PTPRN2: variants seen among roughly 807,000 people sequenced by gnomAD.
The protein encoded by PTPRN2 is protein tyrosine phosphatase receptor type N2, also known as receptor-type tyrosine-protein phosphatase N2.
A neutral mutation model predicts 118.8 loss-of-function variants in PTPRN2; 74 were observed. That is an observed-to-expected ratio of 0.62 (90% CI 0.52 to 0.76). The LOEUF is 0.76. Among genes scored for constraint, PTPRN2 ranks in the 30% least tolerant of loss-of-function variants. The pLI is 0.00. For synonymous variants in PTPRN2, 641 were observed against 608.0 expected (o/e 1.05, Z -0.80); for missense variants, 1,481 against 1,394.4 (o/e 1.06, Z -0.99).
At position 157,682,695 on chromosome 7, in the gene PTPRN2, T is replaced by C. The variant is rs1438338991; in HGVS notation, c.2001+30A>G. On this transcript the variant is annotated intron_variant, in intron 13 of 22. Transcript: ENST00000389418. The stretch of plus-strand genomic sequence containing the variant: ...CTGCCTGTTCAACAGATAAATCCGA[T>C]ATACCACTTTTTAAAAAGTCTCCTC... 1.9e-6 allele frequency: 3 copies of C among 1,579,382 alleles called. No homozygotes were observed. In the African/African-American group the frequency reaches 4.0e-5, roughly 21 times the overall value.
At chr7:157,805,893 G>C (rs375031426) in intron 12 of PTPRN2, among the ~76,000 whole-genome samples, 23 of 152,326 alleles carry the variant, frequency 1.5e-4, no homozygotes, top group African/African-American at 5.1e-4. Context: ...GCCCTGTCCT[G>C]TTCTGCGTTA....
intron 2 of PTPRN2, among the ~76,000 whole-genome samples, chr7:158,383,198 T>C (rs1261679751): frequency 6.6e-6 from 1 of 152,200 alleles, no homozygotes; most frequent in Admixed American, 6.5e-5. Flanking sequence ...GCAGAACTCT[T>C]ATTCAACAGA....
At chr7:158,260,942 C>A (rs116592497) in intron 3 of PTPRN2, among the ~76,000 whole-genome samples, 2 of 152,126 alleles carry the variant, frequency 1.3e-5, no homozygotes, top group Non-Finnish European at 2.9e-5. Context: ...AGAGAGGAGG[C>A]AGACGGGCAG....
intron 9 of PTPRN2, among the ~76,000 whole-genome samples, chr7:158,132,394 C>T (rs1353749203): frequency 6.6e-6 from 1 of 151,478 alleles, no homozygotes; most frequent in East Asian, 2.0e-4. Flanking sequence ...TGCAAATAAG[C>T]ACAAACCAAT....
chr7:157,952,010 G>A (rs758318170), intron 11 of PTPRN2, among the ~76,000 whole-genome samples: 6 of 152,202 alleles, frequency 3.9e-5, no homozygotes, highest in Non-Finnish European at 8.8e-5. Context: ...CCCGCACTGC[G>A]TTCGCTGCCC....
At chr7:158,447,191 C>T (rs954021223) in intron 2 of PTPRN2, among the ~76,000 whole-genome samples, 2 of 152,138 alleles carry the variant, frequency 1.3e-5, no homozygotes, top group Non-Finnish European at 2.9e-5. Flanking sequence ...CCTCTCTGGG[C>T]CTGGGCAGCC....
At chr7:158,309,970 C>T (rs570465385) in intron 3 of PTPRN2, among the ~76,000 whole-genome samples, 1 of 152,286 alleles carries the variant, frequency 6.6e-6, no homozygotes, top group East Asian at 1.9e-4. Context: ...CTTGCCCCGT[C>T]TGCCACATGA....
intron 2 of PTPRN2, among the ~76,000 whole-genome samples, chr7:158,407,804 C>T (rs1003013227): frequency 6.6e-6 from 1 of 152,200 alleles, no homozygotes; most frequent in Non-Finnish European, 1.5e-5. Context: ...GCCACGAAGC[C>T]GATGTGGAAC....
chr7:157,713,228 C>G (rs79142764), intron 12 of PTPRN2, among the ~76,000 whole-genome samples: 3 of 151,968 alleles, frequency 2.0e-5, no homozygotes, highest in South Asian at 4.2e-4. Flanking sequence ...CCCTCCTCCT[C>G]CTAGCACTGC....
chr7:157,730,517 G>A (rs1337038159), intron 12 of PTPRN2, among the ~76,000 whole-genome samples: 1 of 152,180 alleles, frequency 6.6e-6, no homozygotes, highest in Non-Finnish European at 1.5e-5. Flanking sequence ...TTGCCCTCCT[G>A]TATGGCACAA....
In PTPRN2 at chr7:158,567,966, CTT is replaced by C. The variant is rs1409675916; in HGVS notation, c.112+19590_112+19591del. 2.6e-5 allele frequency among the ~76,000 whole-genome samples: 4 copies of C among 152,184 alleles called. No homozygotes were observed. The East Asian group carries it at 5.8e-4, about 22-fold the overall frequency. On this transcript the variant is annotated intron_variant, in intron 1 of 22. Coordinates refer to ENST00000389418, the MANE Select transcript of PTPRN2 (RefSeq NM_002847.5). Reference sequence around the variant, plus strand: ...TCTTATCTTTCCTTTATTAAAAACTCTTTTGCCCAGGTGCAGTGGCTCACATC... The same window carrying C: ...TCTTATCTTTCCTTTATTAAAAACTCTTGCCCAGGTGCAGTGGCTCACATC...
intron 11 of PTPRN2, among the ~76,000 whole-genome samples, chr7:157,916,769 G>A (rs113857096): frequency 0.011 from 1,037 of 95,604 alleles, 9 homozygotes; most frequent in African/African-American, 0.036. Flanking sequence ...CGGCCACTCC[G>A]GGACACGTCC....
intron 16 of PTPRN2, among the ~76,000 whole-genome samples, chr7:157,602,788 C>T (rs183333033): frequency 6.3e-4 from 96 of 152,344 alleles, no homozygotes; most frequent in Non-Finnish European, 8.5e-4. Context: ...CATCAGTGGC[C>T]GTGGCCTGCA....
chr7:158,403,973 C>T (rs1376399090), intron 2 of PTPRN2, among the ~76,000 whole-genome samples: 1 of 152,214 alleles, frequency 6.6e-6, no homozygotes, highest in Non-Finnish European at 1.5e-5. Flanking sequence ...TATAATTACT[C>T]ATGTCCTTAC....
rs1158378268 is a variant in PTPRN2 at position 157,632,844 on chromosome 7, A to T, written c.2197-11335T>A. 6.6e-6 allele frequency among the ~76,000 whole-genome samples: 1 copy of T among 152,260 alleles called. No homozygotes were observed. The highest frequency in any genetic ancestry group is 1.5e-5 in the Non-Finnish European group (1 of 68,042). On this transcript the variant is annotated intron_variant, in intron 14 of 22. Coordinates refer to ENST00000389418, the MANE Select transcript of PTPRN2 (RefSeq NM_002847.5). This position sits in a 1 kb window ranked among gnomAD's most constrained non-coding sequence, Gnocchi z 4.3. Reference sequence around the variant, plus strand: ...AATGGAAAATAATTCAGAGAATTATACTATGTTTTCCATAAATGTACAGCT... The same window carrying T: ...AATGGAAAATAATTCAGAGAATTATTCTATGTTTTCCATAAATGTACAGCT...
intron 13 of PTPRN2, among the ~76,000 whole-genome samples, chr7:157,675,524 AT>A (rs1796624728): frequency 2.2e-5 from 2 of 92,138 alleles, no homozygotes; most frequent in African/African-American, 7.4e-5. Context: ...CTGGAAGTGC[AT>A]GCTTTGCAGA....
At chr7:158,244,831 G>A (rs1415522308) in intron 3 of PTPRN2, among the ~76,000 whole-genome samples, 2 of 56,696 alleles carry the variant, frequency 3.5e-5, no homozygotes, top group African/African-American at 1.4e-4. Context: ...AGTGTGAGTT[G>A]TGCACATGTG....
intron 2 of PTPRN2, among the ~76,000 whole-genome samples, chr7:158,436,352 C>T (rs1285903950): frequency 1.3e-5 from 2 of 152,168 alleles, no homozygotes; most frequent in Non-Finnish European, 2.9e-5. Flanking sequence ...TCTGTCTTTT[C>T]GTAGGAGTCA....
In PTPRN2 at chr7:158,452,150, G is replaced by C. The variant is rs183243831; in HGVS notation, c.163+37585C>G. ...CCGTCTGTTCCCCACTCTGGCTTAAGTGTCCCATCACTGCAAAGCACTGAG... is the reference window on the plus strand; with the variant it reads ...CCGTCTGTTCCCCACTCTGGCTTAACTGTCCCATCACTGCAAAGCACTGAG... On this transcript the variant is annotated intron_variant, in intron 2 of 22. Transcript: ENST00000389418. Among the ~76,000 whole-genome samples the C allele has an allele frequency of 1.4e-3, 209 of 152,180 alleles. 1 individual carries two copies. The highest frequency in any genetic ancestry group is 4.8e-3 in the African/African-American group (198 of 41,512).
Sources: gnomAD v4.1 joint callset for allele counts (sites outside exome capture counted in the v4.1 genomes callset) on GRCh38, gnomAD v4.1.1 for gene constraint, Gnocchi (gnomAD v3.1) non-coding constraint, MANE v1.5 for transcripts, NCBI Gene and HGNC (gene_info 2026-07-23, HGNC 2026-07-21) for gene names.